The following AMPD1 variants were observed in gnomAD, a reference collection of about 807,000 sequenced individuals.
AMPD1 encodes the protein adenosine monophosphate deaminase 1, also known as AMP deaminase 1.
A neutral mutation model predicts 82.9 loss-of-function variants in AMPD1; 74 were observed. The observed-to-expected ratio is 0.89, with a 90% CI of 0.74 to 1.08. The LOEUF is 1.08. Among genes scored for constraint, AMPD1 ranks in the 50% least tolerant of loss-of-function variants. The pLI, the probability that AMPD1 is intolerant of heterozygous loss-of-function variation, is 0.00. For missense variants in AMPD1, 881 were observed against 924.5 expected (o/e 0.95, Z 0.61); for synonymous variants, 333 against 320.5 (o/e 1.04, Z -0.42).
At chr1:114,675,784 A>C (rs1441103995) in intron 11 of AMPD1, 91 bp from the exon 12 acceptor site, 14 of 1,613,318 alleles carry the variant, frequency 8.7e-6, no homozygotes, top group African/African-American at 1.3e-5. Flanking sequence ...GCACAGACCA[A>C]ACATAAAGAG....
chr1:114,682,581 CTT>C (rs538227539), intron 5 of AMPD1, among the ~76,000 whole-genome samples: 18 of 141,230 alleles, frequency 1.3e-4, no homozygotes, highest in South Asian at 2.3e-4. Flanking sequence ...CTTCAAAAAT[CTT>C]TTTTTTTTTT....
In AMPD1 at chr1:114,675,641, A is replaced by G. The variant is rs1255993719; in HGVS notation, c.1568T>C (p.Phe523Ser). 1.2e-6 allele frequency: 2 copies of G among 1,614,196 alleles called. No individual in the cohort carries two copies. The highest frequency in any genetic ancestry group is 1.7e-5 in the Admixed American group (1 of 60,028). Residue 523 changes from phenylalanine to serine, a missense_variant, in exon 12 of 16, where the codon TTC (phenylalanine) becomes TCC (serine). By Grantham distance (155) the Phe-to-Ser change is radical. Transcript: ENST00000520113. The stretch of plus-strand genomic sequence containing the variant: ...CTGGGGCTTGGGACTCTTGGAGGAG[A>G]ACATGTGGCCACTGTGTTTGGACTC... Reference protein sequence around the residue: ...DDESKHSGHMFSSKSPKPQEW... With the variant: ...DDESKHSGHMSSSKSPKPQEW...
At position 114,673,705 on chromosome 1, in the gene AMPD1, C is replaced by T; in HGVS notation, c.2019G>A (p.Lys673=). ...CTTCGCACATATCACAGGTGCTCAG[C>T]TTGAAGACTTGTGCAGCAATAGCAT... The part of the protein sequence containing the change: ...EEYAIAAQVF[K]LSTCDMCEVA... The change falls in exon 15 of 16, where the codon AAG becomes AAA. Residue 673 remains lysine, a synonymous_variant. Coordinates refer to ENST00000520113, the MANE Select transcript of AMPD1 (RefSeq NM_000036.3). 1 of 1,614,090 alleles carries T rather than the reference C, an allele frequency of 6.2e-7. No individual in the cohort carries two copies. Among genetic ancestry groups the T allele is most frequent in the South Asian group, 1.1e-5 (1 of 91,084 alleles).
At chr1:114,686,935 A>T in intron 3 of AMPD1, 25 bp from the exon 4 acceptor site, 1 of 1,613,496 alleles carries the variant, frequency 6.2e-7, no homozygotes, top group Non-Finnish European at 8.5e-7. Flanking sequence ...TAAAAGTAAG[A>T]GTTAATTTTG....
At position 114,688,587 on chromosome 1, in the gene AMPD1, A is replaced by G. The variant is rs202046815; in HGVS notation, c.189T>C (p.Thr63=). 2 of 1,614,168 alleles carry G rather than the reference A, an allele frequency of 1.2e-6. No individual in the cohort carries two copies. Among genetic ancestry groups the G allele is most frequent in the Admixed American group, 3.3e-5 (2 of 60,018 alleles). ...TCCTGGCTTCTGTGGAGGTGGACAGAGTCTCCAGATGGAATATGTGTGCTT... is the reference window on the plus strand; with the variant it reads ...TCCTGGCTTCTGTGGAGGTGGACAGGGTCTCCAGATGGAATATGTGTGCTT... ...EMQAHIFHLE[T]LSTSTEARRK... Residue 63 remains threonine, a synonymous_variant, in exon 3 of 16, where the codon ACT becomes ACC. Transcript: ENST00000520113.
intron 14 of AMPD1, 50 bp from the exon 15 acceptor site, chr1:114,673,799 A>G: frequency 6.4e-7 from 1 of 1,573,738 alleles, no homozygotes; most frequent in East Asian, 2.2e-5. Flanking sequence ...AATAAATAAT[A>G]TGCATCCTGC....
intron 15 of AMPD1, 92 bp downstream of exon 15, chr1:114,673,547 A>G: frequency 1.8e-6 from 2 of 1,085,870 alleles, no homozygotes; most frequent in Non-Finnish European, 2.8e-6. Flanking sequence ...TTCGTGGAAC[A>G]ATTTTTCTAC....
In AMPD1 at chr1:114,688,936, T is replaced by A. The variant is rs997320435; in HGVS notation, c.35-195A>T. ...CTGTGTGGGTACCTTGAAAATATGC[T>A]CTCAGAAACATGGGTCAGATTCTCA... On this transcript the variant is annotated intron_variant, in intron 2 of 15. Coordinates refer to ENST00000520113, the MANE Select transcript of AMPD1 (RefSeq NM_000036.3). 1.0e-5 allele frequency: 8 copies of A among 762,464 alleles called. No individual in the cohort carries two copies. In the African/African-American group the frequency reaches 1.4e-4, roughly 13 times the overall value. The allele number at this position is 762,464 out of a possible 1,614,324, so 47.2% of individuals were successfully genotyped here.
chr1:114,682,865 A>C (rs1658203889), intron 5 of AMPD1, among the ~76,000 whole-genome samples: 2 of 152,238 alleles, frequency 1.3e-5, no homozygotes, highest in Non-Finnish European at 2.9e-5. Flanking sequence ...GGCGTGAGCC[A>C]CCGCGCCTGG....
At chr1:114,682,395 C>T (rs969246565) in intron 5 of AMPD1, among the ~76,000 whole-genome samples, 13 of 151,784 alleles carry the variant, frequency 8.6e-5, no homozygotes, top group African/African-American at 1.2e-4. Context: ...ATTATTGAAG[C>T]GTAACTTAGG....
At position 114,674,205 on chromosome 1, in the gene AMPD1, G is replaced by C; in HGVS notation, c.1801-123C>G. The stretch of plus-strand genomic sequence containing the variant: ...AACAAAATTATCACTTGTTCTTCAA[G>C]TCTCTTAGTAAGGAGAATTTAGGAG... On this transcript the variant is annotated intron_variant, in intron 13 of 15. Coordinates refer to ENST00000520113, the MANE Select transcript of AMPD1 (RefSeq NM_000036.3). 4 of 872,266 alleles carry C rather than the reference G, an allele frequency of 4.6e-6. 1 individual carries two copies. The South Asian group carries it at 6.3e-5, about 14-fold the overall frequency. 54.0% of individuals were successfully genotyped at this position (872,266 alleles called of 1,614,324 possible).
At chr1:114,692,483 C>T (rs1163011616) in intron 2 of AMPD1, among the ~76,000 whole-genome samples, 4 of 151,892 alleles carry the variant, frequency 2.6e-5, no homozygotes, top group Non-Finnish European at 4.4e-5. Flanking sequence ...GTCAGGAGTT[C>T]GAGACCAACC....
rs117768080 is a variant in AMPD1 at position 114,684,907 on chromosome 1, G to A, written c.382-543C>T. Among the ~76,000 whole-genome samples, 59 of 152,282 alleles carry A rather than the reference G, an allele frequency of 3.9e-4. No individual in the cohort carries two copies. In the South Asian group the frequency reaches 9.5e-3, roughly 25 times the overall value. ...AACATCATTCTGTGAGAAGTTAGTCGTTTAGATGATTTTAAAGAGAATTTT... is the reference window on the plus strand; with the variant it reads ...AACATCATTCTGTGAGAAGTTAGTCATTTAGATGATTTTAAAGAGAATTTT... On this transcript the variant is annotated intron_variant, in intron 4 of 15. Coordinates refer to ENST00000520113, the MANE Select transcript of AMPD1 (RefSeq NM_000036.3).
chr1:114,680,533 A>T lies in AMPD1; in HGVS notation c.548-55T>A. 5 of 1,447,384 alleles carry T rather than the reference A, an allele frequency of 3.5e-6. 1 individual carries two copies. The highest frequency in any genetic ancestry group is 4.9e-6 in the Non-Finnish European group (5 of 1,028,920). The allele number at this position is 1,447,384 out of a possible 1,614,324, so 89.7% of individuals were successfully genotyped here. A position where few individuals can be genotyped will look rare whatever the true frequency, so the allele number is the denominator to read the frequency against. The stretch of plus-strand genomic sequence containing the variant: ...TAGCACATAGGATGAACGACCACAT[A>T]AAAATAACCAAAATGTGAAATACTA... On this transcript the variant is annotated intron_variant, in intron 5 of 15. Transcript: ENST00000520113.
intron 2 of AMPD1, among the ~76,000 whole-genome samples, chr1:114,690,045 A>G (rs1658467777): frequency 6.6e-6 from 1 of 152,212 alleles, no homozygotes; most frequent in African/African-American, 2.4e-5. Flanking sequence ...CATTCCCCAC[A>G]GGATGACAGA....
intron 2 of AMPD1, among the ~76,000 whole-genome samples, chr1:114,691,291 C>T (rs1017794668): frequency 1.3e-5 from 2 of 152,140 alleles, no homozygotes; most frequent in Non-Finnish European, 2.9e-5. Flanking sequence ...TGGTGACTCA[C>T]ACCTGTAATC....
rs187527797 is a variant in AMPD1 at position 114,677,466 on chromosome 1, G to A, written c.1273C>T (p.Arg425Cys). ...VEAKYQHAEP[R>C]LSIYGRSPDE... The stretch of plus-strand genomic sequence containing the variant: ...GGACTGCGGCCATAGATGGACAGGC[G>A]GGGCTCAGCATGCTGGTACTTGGCC... The change falls in exon 10 of 16, where the codon CGC becomes TGC. Residue 425 changes from arginine to cysteine, a missense_variant. Around this residue, in one of 2 missense-constraint regions of AMPD1, gnomAD observed 783 missense variants for 786.4 expected, o/e 1.00. Coordinates refer to ENST00000520113, the MANE Select transcript of AMPD1 (RefSeq NM_000036.3). The A allele has an allele frequency of 2.3e-5, 37 of 1,613,166 alleles. No homozygotes were observed. Among genetic ancestry groups the A allele is most frequent in the Non-Finnish European group, 2.9e-5 (34 of 1,179,838 alleles).
chr1:114,685,269 G>A (rs2101721139), intron 4 of AMPD1, among the ~76,000 whole-genome samples: 2 of 152,244 alleles, frequency 1.3e-5, no homozygotes, highest in South Asian at 4.1e-4. Context: ...CACCTAATAG[G>A]CCACTAGTCT....
intron 2 of AMPD1, 96 bp from the exon 3 acceptor site, chr1:114,688,837 G>A (rs1658423776): frequency 7.4e-7 from 1 of 1,356,110 alleles, no homozygotes; most frequent in Non-Finnish European, 1.1e-6. Flanking sequence ...GGACTGTGCT[G>A]CGTGCATGGC....
Sources: allele counts gnomAD v4.1 joint callset (sites outside exome capture counted in the v4.1 genomes callset), GRCh38; gene constraint gnomAD v4.1.1; regional missense constraint gnomAD v4.1.1; transcripts MANE v1.5; gene names NCBI Gene and HGNC (gene_info 2026-07-23, HGNC 2026-07-21).